GALNT11: variants seen among roughly 807,000 people sequenced by gnomAD.
GALNT11 encodes the protein UDP-GalNAc:polypeptide N-acetylgalactosaminyltransferase 11.
GALNT11 carries 47 observed loss-of-function variants against 72.7 expected under a neutral mutation model. That is an observed-to-expected ratio of 0.65 (90% confidence interval 0.51 to 0.82). The LOEUF is 0.82. Ranked by LOEUF, GALNT11 falls within the 40% of genes least tolerant of loss-of-function variation. The pLI, the probability that GALNT11 is intolerant of heterozygous loss-of-function variation, is 0.00. For synonymous variants in GALNT11, 270 were observed against 286.6 expected (o/e 0.94, Z 0.58); for missense variants, 677 against 778.4 (o/e 0.87, Z 1.55).
rs1376960000 is a variant in GALNT11, at chr7:152,121,779, G to T, written c.*102G>T. On this transcript the variant is annotated 3_prime_UTR_variant, in exon 12 of 12. Transcript: ENST00000430044. Reference sequence around the variant, plus strand: ...GGTTGGGTGGAGCAGAACCATCTTGGAGAAGATGACAGTTCCCTGTCCTCC... The same window carrying T: ...GGTTGGGTGGAGCAGAACCATCTTGTAGAAGATGACAGTTCCCTGTCCTCC... 7.0e-7 allele frequency: 1 copy of T among 1,436,806 alleles called. No homozygotes were observed. The highest frequency in any genetic ancestry group is 9.4e-7 in the Non-Finnish European group (1 of 1,061,012). The allele number at this position is 1,436,806 out of a possible 1,614,324, so 89.0% of individuals were successfully genotyped here. A position where few individuals can be genotyped will look rare whatever the true frequency, so the allele number is the denominator to read the frequency against.
chr7:152,047,574 A>G (rs893626588), intron 1 of GALNT11, among the ~76,000 whole-genome samples: 1 of 151,540 alleles, frequency 6.6e-6, no homozygotes, highest in African/African-American at 2.4e-5. Context: ...GTGCACACCT[A>G]TAGTCCCAGC....
At chr7:152,080,017 G>A (rs2085225192) in intron 1 of GALNT11, among the ~76,000 whole-genome samples, 1 of 152,160 alleles carries the variant, frequency 6.6e-6, no homozygotes, top group African/African-American at 2.4e-5. Context: ...GAAAATGAAA[G>A]CTGTCCTGTG....
rs150831945 is a variant in GALNT11 at position 152,117,124 on chromosome 7, C to T, written c.1234-33C>T. ...GTATCATCATTTTTAACAAAAAATT[C>T]GATTTTCTTATTTTTACTTTTTTTA... On this transcript the variant is annotated intron_variant, in intron 8 of 11. Transcript: ENST00000430044. 1.6e-3 allele frequency: 2,455 copies of T among 1,552,904 alleles called. 3 individuals carry two copies. The highest frequency in any genetic ancestry group is 2.0e-3 in the Non-Finnish European group (2,289 of 1,150,626).
In GALNT11 at chr7:152,113,324, G is replaced by A. The variant is rs2088445545; in HGVS notation, c.1159G>A (p.Gly387Arg). The part of the protein sequence containing the change: ...GHIFRKRRPY[G>R]SPEGQDTMTH... ...CATTTTCCGAAAAAGGCGACCATAT[G>A]GATCTCCCGAAGGCCAGGACACCAT... The change falls in exon 8 of 12, where the codon GGA becomes AGA. Residue 387 changes from glycine (G) to arginine (R), a missense_variant. Coordinates refer to ENST00000430044, the MANE Select transcript of GALNT11 (RefSeq NM_022087.4). 2 of 1,613,982 alleles carry A rather than the reference G, an allele frequency of 1.2e-6. No individual in the cohort carries two copies. Among genetic ancestry groups the A allele is most frequent in the African/African-American group, 2.7e-5 (2 of 74,890 alleles).
At chr7:152,063,189 C>G in intron 1 of GALNT11, among the ~76,000 whole-genome samples, 1 of 152,114 alleles carries the variant, frequency 6.6e-6, no homozygotes, top group Admixed American at 6.5e-5. Flanking sequence ...CTGGTTTAGT[C>G]TTGGGAGGGT....
intron 2 of GALNT11, among the ~76,000 whole-genome samples, chr7:152,097,265 T>C (rs904321961): frequency 2.0e-5 from 3 of 152,178 alleles, no homozygotes; most frequent in African/African-American, 7.2e-5. Flanking sequence ...ATATAATTAG[T>C]GATTACAGAA....
Position 152,121,711 on chromosome 7 carries a change from G to C in GALNT11, c.*34G>C. The stretch of plus-strand genomic sequence containing the variant: ...CTGTGGTGGGAACGTTGCTTCATCA[G>C]GCGTTGCCTCCGGTGTGGAGTTTGG... On this transcript the variant is annotated 3_prime_UTR_variant, in exon 12 of 12. Transcript: ENST00000430044. The C allele has an allele frequency of 6.2e-7, 1 of 1,602,740 alleles. No individual in the cohort carries two copies.
rs778063243 is a variant in GALNT11 at position 152,110,576 on chromosome 7, C to T, written c.1011C>T (p.Phe337=). ...TGTTTGCCATGAACAGACAGTATTTCCATGAACTTGGACAGTATGATAGTG... is the reference window on the plus strand; with the variant it reads ...TGTTTGCCATGAACAGACAGTATTTTCATGAACTTGGACAGTATGATAGTG... ...GGLFAMNRQY[F]HELGQYDSGM... The change falls in exon 7 of 12, where the codon TTC becomes TTT. Residue 337 remains phenylalanine (F), a synonymous_variant. Transcript: ENST00000430044. 2 of 1,613,250 alleles carry T rather than the reference C, an allele frequency of 1.2e-6. No homozygotes were observed. Among genetic ancestry groups the T allele is most frequent in the Non-Finnish European group, 1.7e-6 (2 of 1,179,868 alleles).
chr7:152,092,796 T>C (rs1034078382), intron 1 of GALNT11, among the ~76,000 whole-genome samples: 1 of 152,204 alleles, frequency 6.6e-6, no homozygotes, highest in Admixed American at 6.5e-5. Flanking sequence ...CTCTGTGCAG[T>C]TTTCTTATGT....
chr7:152,058,060 A>G (rs2083785619), intron 1 of GALNT11, among the ~76,000 whole-genome samples: 2 of 152,302 alleles, frequency 1.3e-5, no homozygotes, highest in South Asian at 4.1e-4. Context: ...TAAAGGGACT[A>G]TCACAAAGTG....
intron 4 of GALNT11, chr7:152,104,370 C>T (rs1421890360): frequency 1.3e-5 from 2 of 152,116 alleles, no homozygotes; most frequent in African/African-American, 4.8e-5. Flanking sequence ...GTATCAACAT[C>T]AGAGTTGGTA....
intron 2 of GALNT11, among the ~76,000 whole-genome samples, chr7:152,096,345 C>A (rs1035044212): frequency 6.6e-6 from 1 of 152,160 alleles, no homozygotes; most frequent in African/African-American, 2.4e-5. Context: ...AGTTGTAAGA[C>A]TCAGACTTTC....
rs193026536 is a variant in GALNT11, at chr7:152,031,545, A to G, written c.-39+5661A>G. Among the ~76,000 whole-genome samples, 11 of 152,298 alleles carry G rather than the reference A, an allele frequency of 7.2e-5. No individual in the cohort carries two copies. The East Asian group carries it at 1.3e-3, about 19-fold the overall frequency. Reference sequence around the variant, plus strand: ...GACAGTGAGATCCTTTCCTTGTATTATTTTGATAGCCTCTGACACTAGGAT... The same window carrying G: ...GACAGTGAGATCCTTTCCTTGTATTGTTTTGATAGCCTCTGACACTAGGAT... On this transcript the variant is annotated intron_variant, in intron 1 of 11. Transcript: ENST00000430044.
intron 3 of GALNT11, 52 bp downstream of exon 3, chr7:152,100,973 G>A: frequency 6.2e-7 from 1 of 1,603,216 alleles, no homozygotes; most frequent in Non-Finnish European, 8.5e-7. Flanking sequence ...GATGCTTTTA[G>A]TGTCAGTGTA....
chr7:152,106,705 GT>G (rs2087597560), intron 5 of GALNT11, among the ~76,000 whole-genome samples: 1 of 152,054 alleles, frequency 6.6e-6, no homozygotes, highest in Non-Finnish European at 1.5e-5. Flanking sequence ...AGCTATTTAG[GT>G]TTTTTTCCCT....
chr7:152,068,235 T>G (rs2084428367), intron 1 of GALNT11, among the ~76,000 whole-genome samples: 1 of 152,234 alleles, frequency 6.6e-6, no homozygotes, highest in Non-Finnish European at 1.5e-5. Context: ...CTCTATAGTT[T>G]TACCTTTTCC....
At chr7:152,047,953 G>A (rs952844857) in intron 1 of GALNT11, among the ~76,000 whole-genome samples, 2 of 151,820 alleles carry the variant, frequency 1.3e-5, no homozygotes, top group African/African-American at 4.9e-5. Flanking sequence ...CACAATGACG[G>A]TACTCTAATA....
chr7:152,070,941 A>C (rs908768530), intron 1 of GALNT11, among the ~76,000 whole-genome samples: 2 of 152,156 alleles, frequency 1.3e-5, no homozygotes, highest in African/African-American at 4.8e-5. Context: ...AGCCACAAAA[A>C]CCAGCAAGTT....
At chr7:152,074,163 T>G (rs1237259069) in intron 1 of GALNT11, 1 of 152,222 alleles carries the variant, frequency 6.6e-6, no homozygotes, top group Non-Finnish European at 1.5e-5. Context: ...CCCATGTGTT[T>G]GTTTTTGCTT....
Sources: gnomAD v4.1 joint callset for allele counts (sites outside exome capture counted in the v4.1 genomes callset) on GRCh38, gnomAD v4.1.1 for gene constraint, MANE v1.5 for transcripts, NCBI Gene and HGNC (gene_info 2026-07-23, HGNC 2026-07-21) for gene names.